Variants in DNAH9 observed in about 807,000 individuals in gnomAD.
The protein encoded by DNAH9 is DNAH9 variant protein.
DNAH9 carries 345 observed loss-of-function variants against 471.6 expected under a neutral mutation model. The observed-to-expected ratio is 0.73, with a 90% CI of 0.67 to 0.80. DNAH9 has a LOEUF of 0.80. DNAH9 is among the 30% of genes least tolerant of loss of function. The probability of loss-of-function intolerance (pLI) is 0.00; values close to 1 mark genes in which losing one functional copy is unlikely to be tolerated. For missense variants in DNAH9, 5,407 were observed against 5,609.2 expected, an observed-to-expected ratio of 0.96 and a Z score of 1.15; for synonymous variants, 2,093 against 2,123.6, an observed-to-expected ratio of 0.99 and a Z score of 0.40.
intron 39 of DNAH9, 75 bp downstream of exon 39, chr17:11,781,249 T>C (rs1195325681): frequency 2.7e-6 from 4 of 1,494,138 alleles, no homozygotes; most frequent in Non-Finnish European, 3.6e-6. Context: ...GTCTCTATTC[T>C]GCCTGAACGG....
At chr17:11,834,541 G>C (rs1376164402) in intron 48 of DNAH9, 97 bp from the exon 49 acceptor site, 7 of 1,424,442 alleles carry the variant, frequency 4.9e-6, no homozygotes, top group Middle Eastern at 3.8e-4. Flanking sequence ...CCACAGAGTT[G>C]GGTCCTCAGG....
At chr17:11,690,749 G>T (rs567329498) in intron 20 of DNAH9, among the ~76,000 whole-genome samples, 1 of 152,110 alleles carries the variant, frequency 6.6e-6, no homozygotes, top group Non-Finnish European at 1.5e-5. Flanking sequence ...AGTTTGGAAT[G>T]AGGTCCTCAC....
chr17:11,894,604 A>G, intron 59 of DNAH9, 108 bp downstream of exon 59: 1 of 1,454,520 alleles, frequency 6.9e-7, no homozygotes, highest in Non-Finnish European at 9.3e-7. Flanking sequence ...TCAAGCATGG[A>G]GCTGTGTTAA....
At chr17:11,692,038 G>A (rs1238831250) in intron 20 of DNAH9, among the ~76,000 whole-genome samples, 2 of 132,708 alleles carry the variant, frequency 1.5e-5, no homozygotes, top group Admixed American at 8.2e-5. Flanking sequence ...TCCTGACCTC[G>A]TGATCTGCCC....
intron 56 of DNAH9, among the ~76,000 whole-genome samples, chr17:11,884,113 G>A (rs1236629761): frequency 6.6e-6 from 1 of 152,156 alleles, no homozygotes; most frequent in African/African-American, 2.4e-5. Flanking sequence ...TCGCACTGCT[G>A]GAAAAGCCAA....
At chr17:11,602,863 T>C (rs2072414790) in intron 1 of DNAH9, among the ~76,000 whole-genome samples, 1 of 152,174 alleles carries the variant, frequency 6.6e-6, no homozygotes, top group African/African-American at 2.4e-5. Flanking sequence ...CTCCCATCTT[T>C]CCAGCTCACT....
At chr17:11,809,729 T>G (rs538136114) in intron 44 of DNAH9, among the ~76,000 whole-genome samples, 1 of 152,076 alleles carries the variant, frequency 6.6e-6, no homozygotes, top group Admixed American at 6.6e-5. Context: ...TACATATAAG[T>G]AAGACGTAAG....
chr17:11,666,048 C>T (rs1002404309), intron 15 of DNAH9, among the ~76,000 whole-genome samples: 1 of 152,142 alleles, frequency 6.6e-6, no homozygotes, highest in African/African-American at 2.4e-5. Context: ...AAATCAACAA[C>T]AGGACTCAGG....
chr17:11,635,410 G>A (rs945796884), intron 8 of DNAH9, among the ~76,000 whole-genome samples: 5 of 148,684 alleles, frequency 3.4e-5, no homozygotes, highest in South Asian at 2.1e-4. Flanking sequence ...TGAACTCCTG[G>A]CCTCAAGTGA....
chr17:11,683,843 A>G (rs1403888108), intron 19 of DNAH9, among the ~76,000 whole-genome samples: 1 of 152,198 alleles, frequency 6.6e-6, no homozygotes, highest in Non-Finnish European at 1.5e-5. Flanking sequence ...ACATTTCTGC[A>G]ATTTTGGTGT....
intron 20 of DNAH9, among the ~76,000 whole-genome samples, chr17:11,692,765 A>G (rs2074356764): frequency 6.6e-6 from 1 of 152,146 alleles, no homozygotes; most frequent in African/African-American, 2.4e-5. Context: ...AAATTGATAC[A>G]GAAGCAGTTT....
chr17:11,815,939 A>G (rs1309573140), intron 45 of DNAH9, among the ~76,000 whole-genome samples: 3 of 152,072 alleles, frequency 2.0e-5, no homozygotes, highest in Admixed American at 6.5e-5. Context: ...AGTGATTCCT[A>G]ATTCCTTAAG....
intron 28 of DNAH9, among the ~76,000 whole-genome samples, chr17:11,738,019 C>T (rs1208541107): frequency 1.3e-5 from 2 of 152,224 alleles, no homozygotes; most frequent in Non-Finnish European, 2.9e-5. Flanking sequence ...GTAACTATGG[C>T]ATCCTCACCA....
chr17:11,747,881 C>A, intron 32 of DNAH9, 115 bp downstream of exon 32: 2 of 948,738 alleles, frequency 2.1e-6, no homozygotes, highest in Non-Finnish European at 3.2e-6. Context: ...CTGTTTGGAA[C>A]CGCGGAGGGA....
chr17:11,860,181 C>A (rs1458148810), intron 50 of DNAH9, among the ~76,000 whole-genome samples: 1 of 152,202 alleles, frequency 6.6e-6, no homozygotes. Flanking sequence ...TCTAGAATTA[C>A]ATTCTCTTGT....
At position 11,679,980 on chromosome 17, in the gene DNAH9, G is replaced by A. The variant is rs1474704926; in HGVS notation, c.3576+1G>A. 6.2e-7 allele frequency: 1 copy of A among 1,610,932 alleles called. No individual in the cohort carries two copies. The highest frequency in any genetic ancestry group is 1.3e-5 in the African/African-American group (1 of 74,954). On this transcript the variant is annotated splice_donor_variant, in intron 18 of 68. Transcript: ENST00000262442. LOFTEE classifies it high-confidence loss of function. ...AGAAACAGTGTTTAAGCAGCTGGAGGTCAGTGCATTTATGTCTTCCTTATA... is the reference window on the plus strand; with the variant it reads ...AGAAACAGTGTTTAAGCAGCTGGAGATCAGTGCATTTATGTCTTCCTTATA...
chr17:11,708,030 G>C (rs1452958113), intron 26 of DNAH9, among the ~76,000 whole-genome samples: 111 of 142,684 alleles, frequency 7.8e-4, no homozygotes, highest in African/African-American at 3.0e-3. Context: ...GAGAGAGAGA[G>C]AGAGAGAGAG....
chr17:11,795,800 A>G (rs1969219063), intron 42 of DNAH9, among the ~76,000 whole-genome samples: 1 of 152,226 alleles, frequency 6.6e-6, no homozygotes, highest in Admixed American at 6.5e-5. Context: ...GGGTCTGTGT[A>G]TGAAGAGCAC....
At chr17:11,852,660 C>A (rs1971463980) in intron 49 of DNAH9, among the ~76,000 whole-genome samples, 1 of 151,424 alleles carries the variant, frequency 6.6e-6, no homozygotes, top group South Asian at 2.1e-4. Flanking sequence ...AGATCCTGAG[C>A]AGGGAGAATG....
Sources: gnomAD v4.1 joint callset for allele counts (sites outside exome capture counted in the v4.1 genomes callset) on GRCh38, gnomAD v4.1.1 for gene constraint, MANE v1.5 for transcripts, NCBI Gene and HGNC (gene_info 2026-07-23, HGNC 2026-07-21) for gene names.